Variants in STK3 observed in about 807,000 individuals in gnomAD.
The protein encoded by STK3 is serine/threonine-protein kinase 3.
STK3 carries 41 observed loss-of-function variants against 58.0 expected under a neutral mutation model. The ratio of observed to expected loss-of-function variants is 0.71; its 90% CI spans 0.55 to 0.92. The LOEUF is 0.92. STK3 is among the 40% of genes least tolerant of loss of function. STK3 has a pLI of 0.00. For synonymous variants in STK3, 170 were observed against 191.0 expected (o/e 0.89, Z 0.91); for missense variants, 479 against 602.7 (o/e 0.79, Z 2.15).
intron 8 of STK3, among the ~76,000 whole-genome samples, chr8:98,562,212 T>C (rs1812095640): frequency 6.6e-6 from 1 of 152,168 alleles, no homozygotes; most frequent in East Asian, 1.9e-4. Flanking sequence ...CATATGAATG[T>C]ATACAGCAGC....
At chr8:98,840,540 C>T (rs1835931546) in intron 3 of STK3, among the ~76,000 whole-genome samples, 1 of 138,440 alleles carries the variant, frequency 7.2e-6, no homozygotes, top group African/African-American at 2.7e-5. Flanking sequence ...CACTGCACTC[C>T]AGCCTGGGGC....
intron 3 of STK3, among the ~76,000 whole-genome samples, chr8:98,763,959 G>A (rs377639957): frequency 3.3e-5 from 5 of 152,202 alleles, no homozygotes; most frequent in African/African-American, 1.2e-4. Flanking sequence ...ACAGGCGTGA[G>A]CCACCATGCC....
In STK3 at chr8:98,596,003, A is replaced by G. The variant is rs760347812; in HGVS notation, c.822+29T>C. ...GAAAGCTGAAAGGTATGAAGAAAAT[A>G]TCCTTCCCTTCGAGGCACAAGCACT... On this transcript the variant is annotated intron_variant, in intron 7 of 10. Transcript: ENST00000419617. The G allele has an allele frequency of 1.9e-5, 30 of 1,600,848 alleles. No individual in the cohort carries two copies. The South Asian group carries it at 3.4e-4, about 18-fold the overall frequency.
chr8:98,486,545 C>T (rs1418960277), intron 10 of STK3, among the ~76,000 whole-genome samples: 5 of 152,140 alleles, frequency 3.3e-5, no homozygotes, highest in African/African-American at 1.2e-4. Flanking sequence ...CATCAAATCA[C>T]CAGGTCCTTC....
chr8:98,817,655 T>C (rs531669214), intron 1 of STK3, among the ~76,000 whole-genome samples: 15 of 152,244 alleles, frequency 9.9e-5, no homozygotes, highest in South Asian at 2.1e-4. Flanking sequence ...ATTCAAAACA[T>C]AGGAGCCAGG....
intron 8 of STK3, among the ~76,000 whole-genome samples, chr8:98,558,759 G>C (rs566064592): frequency 6.6e-6 from 1 of 151,538 alleles, no homozygotes; most frequent in South Asian, 2.1e-4. Context: ...AAATTTTGTT[G>C]TTGTTCTTTT....
chr8:98,353,947 G>A, the STK3 span, among the ~76,000 whole-genome samples: 1 of 152,152 alleles, frequency 6.6e-6, no homozygotes, highest in African/African-American at 2.4e-5. Context: ...CTCAACTCTA[G>A]TAATATATTT....
intron 4 of STK3, among the ~76,000 whole-genome samples, chr8:98,741,539 A>G (rs200363935): frequency 6.6e-6 from 1 of 152,178 alleles, no homozygotes. Flanking sequence ...GATGGTCTTT[A>G]AAACCAATGA....
chr8:98,567,297 A>G (rs2131664061), intron 8 of STK3, among the ~76,000 whole-genome samples: 1 of 152,338 alleles, frequency 6.6e-6, no homozygotes, highest in Middle Eastern at 3.4e-3. Context: ...TCCTGGGCTC[A>G]AGCAATCCTT....
At chr8:98,831,973 A>C (rs1220752362) in intron 3 of STK3, among the ~76,000 whole-genome samples, 1 of 152,222 alleles carries the variant, frequency 6.6e-6, no homozygotes, top group Non-Finnish European at 1.5e-5. Context: ...ATGATTTTTA[A>C]AACAAGAAGA....
chr8:98,809,471 A>T (rs966088839), intron 1 of STK3, among the ~76,000 whole-genome samples: 1 of 152,140 alleles, frequency 6.6e-6, no homozygotes, highest in Non-Finnish European at 1.5e-5. Flanking sequence ...ATCATCTCCA[A>T]CCAAAATTCT....
intron 6 of STK3, among the ~76,000 whole-genome samples, chr8:98,632,890 A>C (rs1563828360): frequency 6.6e-6 from 1 of 152,278 alleles, no homozygotes; most frequent in East Asian, 1.9e-4. Flanking sequence ...AGATATGTCC[A>C]CCTCAACCTT....
At chr8:98,669,805 C>G (rs1236626453) in intron 6 of STK3, among the ~76,000 whole-genome samples, 1 of 152,176 alleles carries the variant, frequency 6.6e-6, no homozygotes, top group Admixed American at 6.5e-5. Flanking sequence ...CTTTCTCCTA[C>G]CCTGTTCTAT....
chr8:98,621,912 A>G (rs1420436338), intron 6 of STK3, among the ~76,000 whole-genome samples: 1 of 151,984 alleles, frequency 6.6e-6, no homozygotes, highest in East Asian at 1.9e-4. Context: ...TGTTGCAAGT[A>G]AAATATATCT....
intron 3 of STK3, among the ~76,000 whole-genome samples, chr8:98,419,113 C>G (rs1818144097): frequency 6.6e-6 from 1 of 152,198 alleles, no homozygotes; most frequent in South Asian, 2.1e-4. Context: ...GAAATCCCAG[C>G]ACTTTGGGGG....
chr8:98,397,101 G>T (rs1008471295), downstream of STK3, among the ~76,000 whole-genome samples: 1 of 152,126 alleles, frequency 6.6e-6, no homozygotes, highest in South Asian at 2.1e-4. Context: ...GAATCTGAAC[G>T]TTACCCTTAT....
intron 3 of STK3, among the ~76,000 whole-genome samples, chr8:98,848,242 CT>C (rs924846970): frequency 4.7e-5 from 7 of 150,068 alleles, no homozygotes; most frequent in Non-Finnish European, 8.9e-5. Flanking sequence ...TACTAATCTA[CT>C]TTTTTTTTCT....
At chr8:98,940,131 C>A (rs997175116) in intron 1 of STK3, among the ~76,000 whole-genome samples, 5 of 152,130 alleles carry the variant, frequency 3.3e-5, no homozygotes, top group Non-Finnish European at 7.4e-5. Context: ...CCCGCTCCTA[C>A]CCCCTCGGCG....
intron 4 of STK3, among the ~76,000 whole-genome samples, chr8:98,721,935 T>A (rs955889616): frequency 1.5e-4 from 23 of 152,122 alleles, no homozygotes; most frequent in Admixed American, 3.9e-4. Context: ...AATTTTTTTT[T>A]AAATCTCTAA....
Sources: allele counts gnomAD v4.1 joint callset (sites outside exome capture counted in the v4.1 genomes callset), GRCh38; gene constraint gnomAD v4.1.1; transcripts MANE v1.5; gene names NCBI Gene and HGNC (gene_info 2026-07-23, HGNC 2026-07-21).